Variants in ZNG1E observed in about 807,000 individuals in gnomAD.
ZNG1E encodes zinc-regulated GTPase metalloprotein activator 1E.
chr9:65,673,952 C>G, the ZNG1E span, among the ~76,000 whole-genome samples: 2 of 152,298 alleles, frequency 1.3e-5, no homozygotes, highest in African/African-American at 4.8e-5. Context: ...GAAGGGACAT[C>G]AAGCAAATAG....
the ZNG1E span, among the ~76,000 whole-genome samples, chr9:65,663,961 A>G: frequency 6.6e-6 from 1 of 151,096 alleles, no homozygotes; most frequent in African/African-American, 2.4e-5. Flanking sequence ...ATATCAGCAT[A>G]CATATATATA....
the ZNG1E span, among the ~76,000 whole-genome samples, chr9:65,694,189 T>C: frequency 2.6e-5 from 4 of 150,992 alleles, no homozygotes; most frequent in Non-Finnish European, 3.0e-5. Flanking sequence ...AAGCCCCAAA[T>C]TATTCATTTT....
the ZNG1E span, among the ~76,000 whole-genome samples, chr9:65,676,586 C>T: frequency 6.6e-6 from 1 of 151,030 alleles, no homozygotes; most frequent in African/African-American, 2.5e-5. Flanking sequence ...TTCCCCTTCC[C>T]CAGGAGCCAA....
At chr9:65,660,501 G>A in the ZNG1E span, among the ~76,000 whole-genome samples, 6 of 152,362 alleles carry the variant, frequency 3.9e-5, no homozygotes, top group South Asian at 2.1e-4. Flanking sequence ...AAAATTAAAC[G>A]TTGGAAGTGT....
At chr9:65,677,798 G>A in the ZNG1E span, among the ~76,000 whole-genome samples, 1 of 152,022 alleles carries the variant, frequency 6.6e-6, no homozygotes, top group African/African-American at 2.4e-5. Context: ...ATAAACTAAG[G>A]TTACTTCAAA....
chr9:65,671,451 C>T, the ZNG1E span, among the ~76,000 whole-genome samples: 2,107 of 151,724 alleles, frequency 0.014, 8 homozygotes, highest in African/African-American at 0.048. Context: ...TCCCGAGTAG[C>T]TGGGACTACA....
the ZNG1E span, among the ~76,000 whole-genome samples, chr9:65,729,282 AG>A: frequency 1.1e-5 from 1 of 93,932 alleles, no homozygotes; most frequent in East Asian, 2.8e-4. Context: ...AAGTGGAAAA[AG>A]GATACCCTTT....
chr9:65,658,116 AC>A, the ZNG1E span, among the ~76,000 whole-genome samples: 1 of 129,214 alleles, frequency 7.7e-6, no homozygotes, highest in African/African-American at 2.9e-5. Flanking sequence ...AAAAAAAAAA[AC>A]TTATGTTCCC....
chr9:65,680,935 C>T, the ZNG1E span, among the ~76,000 whole-genome samples: 1 of 152,218 alleles, frequency 6.6e-6, no homozygotes, highest in South Asian at 2.1e-4. Flanking sequence ...ACTACAGGTG[C>T]CCGCTACCAC....
chr9:65,664,324 G>T, the ZNG1E span, among the ~76,000 whole-genome samples: 1 of 149,862 alleles, frequency 6.7e-6, no homozygotes, highest in African/African-American at 2.5e-5. Context: ...GTGTTGTGGG[G>T]GGACCCGGTG....
the ZNG1E span, among the ~76,000 whole-genome samples, chr9:65,669,849 G>A: frequency 7.6e-4 from 114 of 149,484 alleles, no homozygotes; most frequent in East Asian, 0.013. Context: ...TACAGTGGTT[G>A]TATATCTTAA....
chr9:65,708,484 A>G, the ZNG1E span: 2 of 262,218 alleles, frequency 7.6e-6, no homozygotes, highest in Non-Finnish European at 1.4e-5. Flanking sequence ...TCATTTTTAT[A>G]TTAAATGTTA....
At chr9:65,680,501 AT>A in the ZNG1E span, among the ~76,000 whole-genome samples, 1 of 151,894 alleles carries the variant, frequency 6.6e-6, no homozygotes, top group African/African-American at 2.4e-5. Flanking sequence ...ACTTTTCTTC[AT>A]GTTTCATTAA....
the ZNG1E span, among the ~76,000 whole-genome samples, chr9:65,667,799 C>T: frequency 1.3e-5 from 2 of 150,012 alleles, no homozygotes; most frequent in African/African-American, 4.9e-5. Flanking sequence ...AGTTCAAGAC[C>T]AGCCTGGCCA....
the ZNG1E span, among the ~76,000 whole-genome samples, chr9:65,691,233 C>T: frequency 3.3e-5 from 5 of 149,592 alleles, no homozygotes; most frequent in East Asian, 7.8e-4. Context: ...CAGGCGTGCA[C>T]CATCGTACCT....
the ZNG1E span, among the ~76,000 whole-genome samples, chr9:65,693,007 G>GT: frequency 6.6e-6 from 1 of 152,230 alleles, no homozygotes; most frequent in Non-Finnish European, 1.5e-5. Context: ...CTGGAAATGA[G>GT]TTTTTAAAAA....
the ZNG1E span, chr9:65,704,788 G>A: frequency 1.4e-5 from 1 of 73,236 alleles, no homozygotes; most frequent in South Asian, 7.5e-4. Flanking sequence ...GTGGGCGCCT[G>A]TAGTCCCAGC....
the ZNG1E span, among the ~76,000 whole-genome samples, chr9:65,717,074 ATATAGT>A: frequency 6.6e-5 from 10 of 151,960 alleles, no homozygotes; most frequent in African/African-American, 2.4e-4. Flanking sequence ...TTTATGGTAA[ATATAGT>A]TATATCCTTT....
At chr9:65,658,271 G>T in the ZNG1E span, among the ~76,000 whole-genome samples, 1 of 152,056 alleles carries the variant, frequency 6.6e-6, no homozygotes, top group Non-Finnish European at 1.5e-5. Context: ...ATTTCAGAAA[G>T]GGACATTCAA....
Sources: gnomAD v4.1 joint callset for allele counts (sites outside exome capture counted in the v4.1 genomes callset) on GRCh38, gnomAD v4.1.1 for gene constraint, MANE v1.5 for transcripts, NCBI Gene and HGNC (gene_info 2026-07-23, HGNC 2026-07-21) for gene names.